Variants in TRIM44 observed in about 807,000 individuals in gnomAD.
TRIM44 encodes tripartite motif-containing protein 44.
A neutral mutation model predicts 37.4 loss-of-function variants in TRIM44; 13 were observed. The ratio of observed to expected loss-of-function variants is 0.35; its 90% CI spans 0.23 to 0.55. The LOEUF (loss-of-function observed/expected upper bound fraction) is 0.55. Among genes scored for constraint, TRIM44 ranks in the 20% least tolerant of loss-of-function variants. The probability of loss-of-function intolerance (pLI) is 0.89; values close to 1 mark genes in which losing one functional copy is unlikely to be tolerated. For synonymous variants in TRIM44, 175 were observed against 157.2 expected (o/e 1.11, Z -0.85); for missense variants, 426 against 437.2 (o/e 0.97, Z 0.23).
At chr11:35,799,303 T>G (rs1853334240) in intron 4 of TRIM44, among the ~76,000 whole-genome samples, 1 of 152,214 alleles carries the variant, frequency 6.6e-6, no homozygotes, top group African/African-American at 2.4e-5. Context: ...CAATTCAAAC[T>G]TGGCACTGTG....
intron 2 of TRIM44, among the ~76,000 whole-genome samples, chr11:35,699,758 C>G (rs1357396926): frequency 6.6e-6 from 1 of 151,784 alleles, no homozygotes; most frequent in African/African-American, 2.4e-5. Flanking sequence ...AGCAAAGTCT[C>G]AGGATACAAA....
chr11:35,716,662 G>T (rs1852042497), intron 2 of TRIM44, among the ~76,000 whole-genome samples: 1 of 152,126 alleles, frequency 6.6e-6, no homozygotes, highest in Non-Finnish European at 1.5e-5. Context: ...CTATTATCTG[G>T]TGGAGAAAAT....
intron 3 of TRIM44, 124 bp from the exon 4 acceptor site, chr11:35,735,302 C>T (rs559032459): frequency 1.5e-4 from 136 of 913,052 alleles, no homozygotes; most frequent in Non-Finnish European, 2.3e-4. Flanking sequence ...GTTGGTTTGT[C>T]TCTGTTACAA....
intron 3 of TRIM44, among the ~76,000 whole-genome samples, chr11:35,729,953 G>A (rs1590549125): frequency 6.6e-6 from 1 of 152,216 alleles, no homozygotes; most frequent in East Asian, 1.9e-4. Flanking sequence ...CCCCAGTATG[G>A]GTGACAGTGC....
chr11:35,754,542 A>G (rs911888849), intron 4 of TRIM44, among the ~76,000 whole-genome samples: 7 of 152,022 alleles, frequency 4.6e-5, no homozygotes, highest in Non-Finnish European at 1.0e-4. Context: ...TTTAGGGTAC[A>G]TGTGCACAAC....
chr11:35,733,791 A>G (rs1053334306), intron 3 of TRIM44, among the ~76,000 whole-genome samples: 2 of 152,044 alleles, frequency 1.3e-5, no homozygotes, highest in East Asian at 1.9e-4. Flanking sequence ...TACCACCCCC[A>G]GCGCCCTGCC....
chr11:35,764,419 C>T (rs1276120115), intron 4 of TRIM44, among the ~76,000 whole-genome samples: 3 of 152,230 alleles, frequency 2.0e-5, no homozygotes, highest in South Asian at 2.1e-4. Context: ...TTAATTTAGT[C>T]GGAGAGGCGG....
intron 3 of TRIM44, among the ~76,000 whole-genome samples, chr11:35,728,012 G>C (rs151185301): frequency 0.014 from 2,140 of 152,288 alleles, 21 homozygotes; most frequent in Admixed American, 0.02. Context: ...ATGTTGATTA[G>C]GTTGTTCTTT....
intron 4 of TRIM44, among the ~76,000 whole-genome samples, chr11:35,760,774 C>T (rs955739531): frequency 4.6e-5 from 7 of 152,176 alleles, no homozygotes; most frequent in African/African-American, 1.7e-4. Context: ...TGCATTATCT[C>T]ACATTATCAT....
intron 4 of TRIM44, among the ~76,000 whole-genome samples, chr11:35,750,676 C>G (rs116784660): frequency 0.013 from 1,941 of 152,230 alleles, 44 homozygotes; most frequent in African/African-American, 0.044. Context: ...TGCTTTTTCT[C>G]CACTAGATGT....
chr11:35,688,366 T>C (rs1204872021), intron 2 of TRIM44, among the ~76,000 whole-genome samples: 1 of 152,204 alleles, frequency 6.6e-6, no homozygotes, highest in African/African-American at 2.4e-5. Context: ...CAGTAGAAGA[T>C]GTCTAAATTA....
intron 2 of TRIM44, among the ~76,000 whole-genome samples, chr11:35,711,004 TAGAA>T (rs949398035): frequency 3.9e-5 from 6 of 152,142 alleles, no homozygotes; most frequent in African/African-American, 1.2e-4. Flanking sequence ...TATATAGAGA[TAGAA>T]AGAGACTCAA....
chr11:35,759,525 T>G (rs1003983960), intron 4 of TRIM44, among the ~76,000 whole-genome samples: 3 of 152,230 alleles, frequency 2.0e-5, no homozygotes, highest in African/African-American at 7.2e-5. Context: ...CTGTCCAGCT[T>G]TGTTCCGTTG....
rs137864666 is a variant in TRIM44 at position 35,715,765 on chromosome 11, G to T, written c.748-10159G>T. 4.4e-3 allele frequency among the ~76,000 whole-genome samples: 674 copies of T among 152,214 alleles called. 4 individuals are homozygous for T. The highest frequency in any genetic ancestry group is 0.016 in the African/African-American group (657 of 41,518). On this transcript the variant is annotated intron_variant, in intron 2 of 4. Coordinates refer to ENST00000299413, the MANE Select transcript of TRIM44 (RefSeq NM_017583.6). ...TGCAGGCTGTACAGGAAGCATAGTG[G>T]CTTCTGGGGAGGCCTCAGAAAACTT...
At chr11:35,664,098 T>C (rs945569484) in intron 1 of TRIM44, among the ~76,000 whole-genome samples, 1 of 152,202 alleles carries the variant, frequency 6.6e-6, no homozygotes, top group Non-Finnish European at 1.5e-5. Flanking sequence ...TTCCACAGCA[T>C]CACTATTGTT....
At chr11:35,706,847 T>G (rs12288005) in intron 2 of TRIM44, among the ~76,000 whole-genome samples, 4,036 of 151,410 alleles carry the variant, frequency 0.027, 134 homozygotes, top group African/African-American at 0.077. Context: ...CTTTGAAAAC[T>G]GGCACAAGAC....
chr11:35,664,835 C>A (rs1490847575), intron 1 of TRIM44, among the ~76,000 whole-genome samples: 1 of 152,206 alleles, frequency 6.6e-6, no homozygotes, highest in Non-Finnish European at 1.5e-5. Flanking sequence ...TTTCCCCATA[C>A]CTTTTCCAAT....
intron 4 of TRIM44, among the ~76,000 whole-genome samples, chr11:35,766,146 C>G (rs529835758): frequency 3.3e-5 from 5 of 152,136 alleles, no homozygotes; most frequent in Admixed American, 3.3e-4. Context: ...TCTCTTCTTC[C>G]TATGTAATTT....
chr11:35,725,368 C>T (rs185189464), intron 2 of TRIM44, among the ~76,000 whole-genome samples: 16 of 152,230 alleles, frequency 1.1e-4, no homozygotes, highest in African/African-American at 3.6e-4. Flanking sequence ...GAGACTTGCT[C>T]TGTTGCCCAG....
Sources: gnomAD v4.1 joint callset for allele counts (sites outside exome capture counted in the v4.1 genomes callset) on GRCh38, gnomAD v4.1.1 for gene constraint, MANE v1.5 for transcripts, NCBI Gene and HGNC (gene_info 2026-07-23, HGNC 2026-07-21) for gene names.